PRTG: variants seen among roughly 807,000 people sequenced by gnomAD.
The protein encoded by PRTG is protogenin.
A neutral mutation model predicts 122.5 loss-of-function variants in PRTG; 67 were observed. The observed-to-expected ratio is 0.55, with a 90% confidence interval of 0.45 to 0.67. PRTG has a LOEUF of 0.67. PRTG is among the 30% of genes least tolerant of loss of function. The probability of loss-of-function intolerance (pLI) is 0.00; values close to 1 mark genes in which losing one functional copy is unlikely to be tolerated. For synonymous variants in PRTG, 554 were observed against 501.1 expected (o/e 1.11, Z -1.41); for missense variants, 1,435 against 1,415.4 (o/e 1.01, Z -0.22).
At chr15:55,640,442 G>A (rs2059283236) in intron 12 of PRTG, among the ~76,000 whole-genome samples, 1 of 152,142 alleles carries the variant, frequency 6.6e-6, no homozygotes, top group African/African-American at 2.4e-5. Flanking sequence ...AGATTGGAAG[G>A]CAGAAGCACA....
intron 17 of PRTG, among the ~76,000 whole-genome samples, chr15:55,625,372 T>C (rs2059188956): frequency 6.6e-6 from 1 of 152,204 alleles, no homozygotes; most frequent in South Asian, 2.1e-4. Context: ...GACTCAGGCA[T>C]TTCAGGCACT....
intron 17 of PRTG, among the ~76,000 whole-genome samples, chr15:55,625,951 C>CTATCT (rs1216752527): frequency 6.6e-6 from 1 of 152,076 alleles, no homozygotes; most frequent in Non-Finnish European, 1.5e-5. Context: ...TAAGATCTCA[C>CTATCT]TATGTTGCTT....
At chr15:55,651,145 A>G (rs2059351165) in intron 11 of PRTG, among the ~76,000 whole-genome samples, 1 of 152,106 alleles carries the variant, frequency 6.6e-6, no homozygotes. Context: ...GCAAATAGTA[A>G]GAGTATGTGT....
chr15:55,645,309 C>T (rs1425469909), intron 11 of PRTG, among the ~76,000 whole-genome samples: 2 of 148,490 alleles, frequency 1.3e-5, no homozygotes, highest in Non-Finnish European at 3.0e-5. Context: ...TGGCGCGTGC[C>T]TGTAGTCCCA....
rs528633624 is a variant in PRTG, at chr15:55,620,082, C to G, written c.3383G>C (p.Arg1128Pro). The change falls in exon 20 of 20, where the codon CGG becomes CCG. Residue 1128 changes from arginine to proline, a missense_variant. By Grantham distance (103) the Arg-to-Pro change is moderately radical. Transcript: ENST00000389286. Reference sequence around the variant, plus strand: ...CTCATCGTTGGACTCATGAGAAAACCGCCCAGAATCCCCAGTCTCATGGCT... The same window carrying G: ...CTCATCGTTGGACTCATGAGAAAACGGCCCAGAATCCCCAGTCTCATGGCT... ...EGSHETGDSG[R>P]FSHESNDEIH... 6.2e-7 allele frequency: 1 copy of G among 1,614,144 alleles called. No homozygotes were observed. The highest frequency in any genetic ancestry group is 8.5e-7 in the Non-Finnish European group (1 of 1,180,024).
At chr15:55,663,993 G>C (rs2059423971) in intron 11 of PRTG, among the ~76,000 whole-genome samples, 1 of 152,174 alleles carries the variant, frequency 6.6e-6, no homozygotes, top group African/African-American at 2.4e-5. Context: ...TACTGCTGAG[G>C]AGTATTCCAA....
At position 55,624,369 on chromosome 15, in the gene PRTG, G is replaced by A. The variant is rs762619625; in HGVS notation, c.3066C>T (p.Ile1022=). 2.5e-6 allele frequency: 4 copies of A among 1,614,000 alleles called. No individual in the cohort carries two copies. Among genetic ancestry groups the A allele is most frequent in the Non-Finnish European group, 3.4e-6 (4 of 1,179,956 alleles). Residue 1022 remains isoleucine, a synonymous_variant, in exon 18 of 20, where the codon ATC becomes ATT. Coordinates refer to ENST00000389286, the MANE Select transcript of PRTG (RefSeq NM_173814.6). ...VGNEESLMPM[I]MPNSFIDAKG... is the part of the protein sequence containing the mutation. ...TTGCATCAATGAAGCTGTTTGGCATGATCATTGGCATTAAAGATTCTTCAT... is the reference window on the plus strand; with the variant it reads ...TTGCATCAATGAAGCTGTTTGGCATAATCATTGGCATTAAAGATTCTTCAT...
intron 2 of PRTG, among the ~76,000 whole-genome samples, chr15:55,721,079 C>T (rs2030804461): frequency 6.6e-6 from 1 of 152,182 alleles, no homozygotes; most frequent in African/African-American, 2.4e-5. Context: ...CCACCATTTA[C>T]CAAGTCACCC....
intron 2 of PRTG, among the ~76,000 whole-genome samples, chr15:55,718,724 G>A (rs1314874824): frequency 6.6e-6 from 1 of 151,390 alleles, no homozygotes; most frequent in East Asian, 1.9e-4. Flanking sequence ...TTTATGATAG[G>A]CCTCTTAAGG....
At chr15:55,627,326 G>GTT (rs35771809) in intron 16 of PRTG, among the ~76,000 whole-genome samples, 198 bp from the exon 17 acceptor site, 24,256 of 131,372 alleles carry the variant, frequency 0.18, 3,228 homozygotes, top group East Asian at 0.56. Flanking sequence ...CAATATTAAA[G>GTT]TTTTTTTTTT....
intron 2 of PRTG, among the ~76,000 whole-genome samples, chr15:55,699,291 C>T (rs1042485063): frequency 3.3e-5 from 5 of 151,782 alleles, no homozygotes; most frequent in Middle Eastern, 3.4e-3. Context: ...TGGTATTTTC[C>T]CCCACCTTTC....
intron 2 of PRTG, among the ~76,000 whole-genome samples, chr15:55,722,598 T>C (rs2030866957): frequency 6.6e-6 from 1 of 152,156 alleles, no homozygotes; most frequent in African/African-American, 2.4e-5. Flanking sequence ...AGAGGTGAAG[T>C]TGAGAACTCA....
At chr15:55,684,061 A>T in intron 2 of PRTG, 130 bp from the exon 3 acceptor site, 1 of 617,104 alleles carries the variant, frequency 1.6e-6, no homozygotes, top group Non-Finnish European at 2.5e-6. Context: ...CTTAACCAGC[A>T]TGAAGATAAT....
chr15:55,672,719 GCAAA>G, intron 10 of PRTG, 86 bp from the exon 11 acceptor site: 1 of 974,414 alleles, frequency 1.0e-6, no homozygotes, highest in Non-Finnish European at 1.4e-6. Context: ...TCAGTTTTAA[GCAAA>G]CAATTACCAA....
intron 11 of PRTG, among the ~76,000 whole-genome samples, chr15:55,641,459 C>A (rs145306396): frequency 1.3e-5 from 2 of 152,210 alleles, no homozygotes; most frequent in Non-Finnish European, 2.9e-5. Flanking sequence ...ACAACCACTT[C>A]TTCTCCTTTC....
intron 11 of PRTG, among the ~76,000 whole-genome samples, chr15:55,651,955 C>T (rs923781426): frequency 2.0e-5 from 3 of 152,154 alleles, no homozygotes; most frequent in East Asian, 1.9e-4. Flanking sequence ...AATCCTCCTA[C>T]GACCAAAGGA....
chr15:55,649,455 G>T (rs2059341794), intron 11 of PRTG, among the ~76,000 whole-genome samples: 1 of 151,958 alleles, frequency 6.6e-6, no homozygotes, highest in South Asian at 2.1e-4. Context: ...GAGGGCTTGA[G>T]TACAACAACA....
intron 15 of PRTG, among the ~76,000 whole-genome samples, chr15:55,633,753 A>C (rs1242146957): frequency 6.6e-6 from 1 of 152,218 alleles, no homozygotes; most frequent in Non-Finnish European, 1.5e-5. Context: ...CTCTCAGAAA[A>C]GTAAACTCAG....
chr15:55,615,459 T>C lies in PRTG; in HGVS notation c.*4553A>G, dbSNP rs1226245411. ...CTGAAACATACACATTGCATTAGCC[T>C]GTGATCTTATGTCCTGAGCATAAAT... is the stretch of plus-strand genomic sequence containing the variant. On this transcript the variant is annotated 3_prime_UTR_variant, in exon 20 of 20. Coordinates refer to ENST00000389286, the MANE Select transcript of PRTG (RefSeq NM_173814.6). 1 of 152,120 alleles carries C rather than the reference T, an allele frequency of 6.6e-6. No homozygotes were observed. The allele number at this position is 152,120 out of a possible 1,614,324, so 9.4% of individuals were successfully genotyped here. A position where few individuals can be genotyped will look rare whatever the true frequency, so the allele number is the denominator to read the frequency against.
Sources: gnomAD v4.1 joint callset for allele counts (sites outside exome capture counted in the v4.1 genomes callset) on GRCh38, gnomAD v4.1.1 for gene constraint, MANE v1.5 for transcripts, NCBI Gene and HGNC (gene_info 2026-07-23, HGNC 2026-07-21) for gene names.